The following SHISA9 variants were observed in gnomAD, a reference collection of about 807,000 sequenced individuals.
SHISA9 encodes protein shisa-9.
SHISA9 carries 13 observed loss-of-function variants against 38.0 expected under a neutral mutation model. The ratio of observed to expected loss-of-function variants is 0.34; its 90% CI spans 0.22 to 0.54. SHISA9 has a LOEUF of 0.54. Among genes scored for constraint, SHISA9 ranks in the 20% least tolerant of loss-of-function variants. The pLI is 0.91. For missense variants in SHISA9, 538 were observed against 575.8 expected (o/e 0.93, Z 0.67); for synonymous variants, 275 against 242.0 (o/e 1.14, Z -1.27).
chr16:13,435,656 T>G, the SHISA9 span, among the ~76,000 whole-genome samples: 13 of 152,344 alleles, frequency 8.5e-5, no homozygotes, highest in Middle Eastern at 0.014. Context: ...TCTGATGTTA[T>G]CAAGCCAGGT....
chr16:13,054,475 T>C (rs781454990), intron 2 of SHISA9, among the ~76,000 whole-genome samples: 4 of 152,256 alleles, frequency 2.6e-5, no homozygotes, highest in Non-Finnish European at 5.9e-5. Context: ...CCAAGAAGTC[T>C]TGAAATCATT....
the SHISA9 span, among the ~76,000 whole-genome samples, chr16:13,389,099 A>G: frequency 2.0e-5 from 3 of 152,172 alleles, no homozygotes; most frequent in African/African-American, 7.2e-5. Flanking sequence ...TTCCAAGTCC[A>G]GGGTTCACTT....
chr16:13,447,913 C>G, the SHISA9 span, among the ~76,000 whole-genome samples: 3 of 152,146 alleles, frequency 2.0e-5, no homozygotes, highest in African/African-American at 7.2e-5. Context: ...GCATGATGGA[C>G]TTGAGAAAAG....
At chr16:13,054,255 G>A (rs1346566903) in intron 2 of SHISA9, among the ~76,000 whole-genome samples, 1 of 152,160 alleles carries the variant, frequency 6.6e-6, no homozygotes, top group Admixed American at 6.5e-5. Flanking sequence ...TAAAAATGGG[G>A]ATAACGATGA....
At chr16:13,153,357 T>C (rs1050291020) in intron 2 of SHISA9, among the ~76,000 whole-genome samples, 6 of 152,168 alleles carry the variant, frequency 3.9e-5, no homozygotes, top group African/African-American at 1.4e-4. Context: ...ATGGAAAGCT[T>C]GGTAGTTGTA....
At chr16:13,327,715 G>A in the SHISA9 span, among the ~76,000 whole-genome samples, 5 of 152,036 alleles carry the variant, frequency 3.3e-5, no homozygotes, top group Non-Finnish European at 7.4e-5. Context: ...GGAGTGCAGT[G>A]GCACGATCTC....
the SHISA9 span, among the ~76,000 whole-genome samples, chr16:13,528,942 AACTT>A: frequency 3.9e-5 from 6 of 152,200 alleles, no homozygotes; most frequent in Non-Finnish European, 7.3e-5. Context: ...GACCCTGTGA[AACTT>A]ACTTAACTTT....
the SHISA9 span, among the ~76,000 whole-genome samples, chr16:13,389,409 T>C: frequency 2.0e-5 from 3 of 152,214 alleles, no homozygotes; most frequent in Non-Finnish European, 4.4e-5. Flanking sequence ...CATTTCTTTT[T>C]AGTTCTAGAT....
chr16:13,109,214 G>A (rs780663147), intron 2 of SHISA9, among the ~76,000 whole-genome samples: 1 of 151,938 alleles, frequency 6.6e-6, no homozygotes, highest in Non-Finnish European at 1.5e-5. Context: ...TTTTTGTAGG[G>A]ATGGGTTTGC....
chr16:13,348,141 C>A, the SHISA9 span, among the ~76,000 whole-genome samples: 1 of 152,130 alleles, frequency 6.6e-6, no homozygotes, highest in African/African-American at 2.4e-5. Flanking sequence ...ACAATAATAA[C>A]GTTAAGACAG....
the SHISA9 span, among the ~76,000 whole-genome samples, chr16:13,518,185 A>G: frequency 4.0e-5 from 6 of 151,560 alleles, no homozygotes; most frequent in Non-Finnish European, 8.8e-5. Context: ...ACTACCATAG[A>G]TCACTTTGCC....
chr16:12,947,788 G>C (rs1294930563), intron 2 of SHISA9, among the ~76,000 whole-genome samples: 1 of 152,188 alleles, frequency 6.6e-6, no homozygotes, highest in Admixed American at 6.5e-5. Context: ...GCGAAATGGA[G>C]GCCTGGTTCC....
At chr16:12,943,596 C>T (rs192200236) in intron 2 of SHISA9, among the ~76,000 whole-genome samples, 254 of 152,238 alleles carry the variant, frequency 1.7e-3, no homozygotes, top group African/African-American at 5.6e-3. Flanking sequence ...GTGAATGCAT[C>T]TCTCCTTACA....
At chr16:13,264,170 C>CTTTTT in the SHISA9 span, among the ~76,000 whole-genome samples, 1 of 124,340 alleles carries the variant, frequency 8.0e-6, no homozygotes, top group South Asian at 2.7e-4. Flanking sequence ...TGTTTTAAAT[C>CTTTTT]TTTTTTTTTT....
the SHISA9 span, among the ~76,000 whole-genome samples, chr16:13,302,375 T>A: frequency 6.6e-6 from 1 of 152,152 alleles, no homozygotes; most frequent in East Asian, 1.9e-4. Context: ...AAACTGAACC[T>A]GAGGAGATAA....
At chr16:12,941,199 A>T (rs2071606298) in intron 2 of SHISA9, among the ~76,000 whole-genome samples, 1 of 152,088 alleles carries the variant, frequency 6.6e-6, no homozygotes, top group Admixed American at 6.6e-5. Flanking sequence ...TAAAAATACA[A>T]GAAAATTATC....
chr16:12,954,227 A>G (rs959211894), intron 2 of SHISA9, among the ~76,000 whole-genome samples: 1 of 152,198 alleles, frequency 6.6e-6, no homozygotes, highest in Non-Finnish European at 1.5e-5. Context: ...AGGCGTAGAG[A>G]TGTGGTGTGC....
At chr16:13,371,020 A>G in the SHISA9 span, among the ~76,000 whole-genome samples, 1 of 152,230 alleles carries the variant, frequency 6.6e-6, no homozygotes, top group African/African-American at 2.4e-5. Flanking sequence ...TACTCTAAGT[A>G]TGTTCCTGTA....
the SHISA9 span, among the ~76,000 whole-genome samples, chr16:13,321,917 T>C: frequency 6.6e-6 from 1 of 152,372 alleles, no homozygotes; most frequent in South Asian, 2.1e-4. Context: ...TATGGATTTG[T>C]GATCATTAAA....
Sources: allele counts gnomAD v4.1 joint callset (sites outside exome capture counted in the v4.1 genomes callset), GRCh38; gene constraint gnomAD v4.1.1; transcripts MANE v1.5; gene names NCBI Gene and HGNC (gene_info 2026-07-23, HGNC 2026-07-21).